The following PRELID2 variants were observed in gnomAD, a reference collection of about 807,000 sequenced individuals.
PRELID2 encodes the protein PRELI domain-containing protein 2.
In PRELID2, 25 loss-of-function variants were observed where a neutral mutation model predicts 28.4. That is an observed-to-expected ratio of 0.88 (90% confidence interval 0.64 to 1.23). The LOEUF (loss-of-function observed/expected upper bound fraction) is 1.23. Ranked by LOEUF, PRELID2 falls within the 50% of genes most tolerant of loss-of-function variation. The pLI is 0.00. For missense variants in PRELID2, 201 were observed against 214.4 expected, an observed-to-expected ratio of 0.94 and a Z score of 0.39; for synonymous variants, 76 against 71.6, an observed-to-expected ratio of 1.06 and a Z score of -0.31.
chr5:145,543,006 C>A (rs750029341), intron 1 of PRELID2, among the ~76,000 whole-genome samples: 25 of 152,018 alleles, frequency 1.6e-4, no homozygotes, highest in Non-Finnish European at 2.8e-4. Flanking sequence ...AAGCTGTTAG[C>A]TTTTTCTTCC....
At chr5:145,557,747 C>G (rs1053576186) in intron 1 of PRELID2, among the ~76,000 whole-genome samples, 5 of 152,168 alleles carry the variant, frequency 3.3e-5, no homozygotes, top group African/African-American at 1.2e-4. Context: ...GCTAAGTGTA[C>G]CAGTTTTACA....
At chr5:145,323,794 T>A in the PRELID2 span, among the ~76,000 whole-genome samples, 1 of 152,216 alleles carries the variant, frequency 6.6e-6, no homozygotes, top group East Asian at 1.9e-4. Flanking sequence ...GAACATAATC[T>A]TATTCTTTTT....
At chr5:145,514,222 T>A (rs1021285082) in intron 1 of PRELID2, among the ~76,000 whole-genome samples, 1 of 151,276 alleles carries the variant, frequency 6.6e-6, no homozygotes, top group African/African-American at 2.4e-5. Context: ...TCAAGACCCA[T>A]CAGTGTGCTG....
intron 1 of PRELID2, among the ~76,000 whole-genome samples, chr5:145,751,161 G>C (rs1252981664): frequency 6.6e-6 from 1 of 152,130 alleles, no homozygotes; most frequent in Non-Finnish European, 1.5e-5. Context: ...TCATTATATT[G>C]ATATATAGGA....
At chr5:145,311,046 A>G in the PRELID2 span, among the ~76,000 whole-genome samples, 37,141 of 152,158 alleles carry the variant, frequency 0.24, 5,528 homozygotes, top group Non-Finnish European at 0.32. Flanking sequence ...ATTCTGATGT[A>G]TAAGTAAAAT....
the PRELID2 span, among the ~76,000 whole-genome samples, chr5:145,452,573 C>G: frequency 6.6e-6 from 1 of 152,152 alleles, no homozygotes; most frequent in Non-Finnish European, 1.5e-5. Context: ...CCCACTGTAG[C>G]ACAGATCACA....
intron 1 of PRELID2, among the ~76,000 whole-genome samples, chr5:145,659,448 G>A (rs905041265): frequency 6.6e-6 from 1 of 152,222 alleles, no homozygotes; most frequent in Non-Finnish European, 1.5e-5. Context: ...TTTACACACA[G>A]TAGGTGTTCA....
chr5:145,468,947 T>C (rs936464438), downstream of PRELID2, among the ~76,000 whole-genome samples: 1 of 152,190 alleles, frequency 6.6e-6, no homozygotes, highest in African/African-American at 2.4e-5. Context: ...ATTTTGGCTT[T>C]TGTTGTCATT....
intron 1 of PRELID2, among the ~76,000 whole-genome samples, chr5:145,576,170 A>G (rs1865005): frequency 0.2 from 29,838 of 152,060 alleles, 5,232 homozygotes; most frequent in African/African-American, 0.46. Flanking sequence ...GCAAGTCAAT[A>G]TTTTTTGGTA....
At chr5:145,752,098 C>G (rs1449150034), downstream of PRELID2, among the ~76,000 whole-genome samples, 2 of 152,092 alleles carry the variant, frequency 1.3e-5, no homozygotes, top group Admixed American at 6.5e-5. Flanking sequence ...GCAATACCCC[C>G]CAGAAGGAGG....
chr5:145,650,518 TCG>T (rs1754272312), intron 1 of PRELID2, among the ~76,000 whole-genome samples: 2 of 113,764 alleles, frequency 1.8e-5, no homozygotes, highest in Admixed American at 1.2e-4. Flanking sequence ...GCATATCGAA[TCG>T]CACATATATA....
intron 1 of PRELID2, among the ~76,000 whole-genome samples, chr5:145,726,321 A>T (rs1007317199): frequency 7.3e-6 from 1 of 137,542 alleles, no homozygotes; most frequent in Non-Finnish European, 1.5e-5. Flanking sequence ...GAGAGAGAGA[A>T]AGAGAGAAAG....
chr5:145,644,321 C>T (rs559075700), intron 1 of PRELID2, among the ~76,000 whole-genome samples: 16 of 152,040 alleles, frequency 1.1e-4, no homozygotes, highest in Admixed American at 5.9e-4. Context: ...TAGTATTCTC[C>T]GATGGTAGTT....
chr5:145,639,911 A>C (rs1248676665), intron 1 of PRELID2, among the ~76,000 whole-genome samples: 1 of 152,182 alleles, frequency 6.6e-6, no homozygotes, highest in East Asian at 1.9e-4. Flanking sequence ...GGCCAAAAGC[A>C]GTTGAAGCTG....
At chr5:145,665,986 TAAAAAAAA>T in intron 1 of PRELID2, among the ~76,000 whole-genome samples, 1 of 138,234 alleles carries the variant, frequency 7.2e-6, no homozygotes, top group East Asian at 2.1e-4. Context: ...GTCTTTTTTT[TAAAAAAAA>T]AAAAAAAAGA....
Position 145,600,434 on chromosome 5 carries a change from A to AAAATATAT in PRELID2, n.71-127120_71-127119insATATATTT, listed in dbSNP as rs1315631607. ...TCTCAGGGGGGGAAAAAAAAAAAAA[A>AAAATATAT]ATATATATATATATATATATGTATC... On this transcript the variant is annotated intron_variant and non_coding_transcript_variant, in intron 1 of 2. Coordinates refer to the PRELID2 transcript ENST00000510259. Among the ~76,000 whole-genome samples, 155 of 120,082 alleles carry AAAATATAT rather than the reference A, an allele frequency of 1.3e-3. 2 individuals carry two copies. Among genetic ancestry groups the AAAATATAT allele is most frequent in the African/African-American group, 5.8e-3 (142 of 24,538 alleles). The allele number at this position is 120,082 out of a possible 152,430, so 78.8% of individuals were successfully genotyped here.
chr5:145,418,069 A>G, the PRELID2 span, among the ~76,000 whole-genome samples: 2 of 152,332 alleles, frequency 1.3e-5, no homozygotes, highest in South Asian at 4.1e-4. Context: ...AAGTCAATGC[A>G]CAGAAATTGC....
At chr5:145,725,609 A>G (rs1383097416) in intron 1 of PRELID2, among the ~76,000 whole-genome samples, 1 of 152,202 alleles carries the variant, frequency 6.6e-6, no homozygotes, top group South Asian at 2.1e-4. Context: ...GGGAGGAGCT[A>G]ATAGAAAACT....
intron 1 of PRELID2, among the ~76,000 whole-genome samples, chr5:145,723,370 T>C (rs1032762423): frequency 6.6e-6 from 1 of 152,186 alleles, no homozygotes; most frequent in Admixed American, 6.5e-5. Flanking sequence ...AGACCAGGAC[T>C]ATTCAATGTA....
Sources: allele counts gnomAD v4.1 joint callset (sites outside exome capture counted in the v4.1 genomes callset), GRCh38; gene constraint gnomAD v4.1.1; transcripts MANE v1.5; gene names NCBI Gene and HGNC (gene_info 2026-07-23, HGNC 2026-07-21).